The following EML6 variants were observed in gnomAD, a reference collection of about 807,000 sequenced individuals.
The protein encoded by EML6 is EMAP like 6, also known as echinoderm microtubule-associated protein-like 6.
In EML6, 154 loss-of-function variants were observed where a neutral mutation model predicts 240.1. The ratio of observed to expected loss-of-function variants is 0.64; its 90% CI spans 0.56 to 0.73. The LOEUF (loss-of-function observed/expected upper bound fraction) is 0.73, where lower values mean the gene tolerates loss of function less well. Among genes scored for constraint, EML6 ranks in the 30% least tolerant of loss-of-function variants. The probability of loss-of-function intolerance (pLI) is 0.00; values close to 1 mark genes in which losing one functional copy is unlikely to be tolerated. For missense variants in EML6, 2,964 were observed against 2,474.6 expected (o/e 1.20, Z -4.20); for synonymous variants, 1,148 against 899.0 (o/e 1.28, Z -4.95).
chr2:54,954,928 C>T (rs937780444), intron 32 of EML6, among the ~76,000 whole-genome samples: 1 of 152,238 alleles, frequency 6.6e-6, no homozygotes, highest in Non-Finnish European at 1.5e-5. Context: ...TCACTTCTCC[C>T]ATCCAGGGCT....
chr2:54,867,974 A>C (rs536827838), intron 14 of EML6: 2 of 152,282 alleles, frequency 1.3e-5, no homozygotes, highest in Middle Eastern at 3.4e-3. Flanking sequence ...TACAATATCC[A>C]CTAGCCACAC....
chr2:54,958,189 A>G (rs1676324523), intron 33 of EML6, among the ~76,000 whole-genome samples, 191 bp downstream of exon 33: 1 of 152,014 alleles, frequency 6.6e-6, no homozygotes, highest in African/African-American at 2.4e-5. Context: ...TTGGCAACAT[A>G]CATATATATA....
At chr2:54,761,585 A>C (rs1667984152) in intron 2 of EML6, among the ~76,000 whole-genome samples, 1 of 152,226 alleles carries the variant, frequency 6.6e-6, no homozygotes, top group African/African-American at 2.4e-5. Flanking sequence ...TTTGGTCAAA[A>C]GTGATTCTTT....
chr2:54,887,643 A>G (rs189746906), intron 17 of EML6, among the ~76,000 whole-genome samples: 7 of 152,318 alleles, frequency 4.6e-5, no homozygotes, highest in African/African-American at 1.7e-4. Context: ...CATCTTTTAT[A>G]TTTAAGTCTC....
At chr2:54,955,313 A>G (rs914502988) in intron 32 of EML6, among the ~76,000 whole-genome samples, 31 of 152,132 alleles carry the variant, frequency 2.0e-4, no homozygotes, top group Non-Finnish European at 8.8e-5. Context: ...GAGTGGGAAG[A>G]ACTAGAGAAG....
At chr2:54,926,451 GA>G (rs1291752200) in intron 26 of EML6, among the ~76,000 whole-genome samples, 2 of 152,210 alleles carry the variant, frequency 1.3e-5, no homozygotes, top group Non-Finnish European at 2.9e-5. Context: ...TCACTTGATG[GA>G]TAGAGTTGTG....
At chr2:54,726,942 G>A (rs1324323619) in intron 2 of EML6, among the ~76,000 whole-genome samples, 1 of 152,174 alleles carries the variant, frequency 6.6e-6, no homozygotes, top group Non-Finnish European at 1.5e-5. Context: ...GAACTACTTT[G>A]TGGATTTGAA....
In EML6 at chr2:54,967,089, G is replaced by A; in HGVS notation, c.5583G>A (p.Trp1861Ter). The change falls in exon 39 of 42, where the codon TGG (tryptophan) becomes TGA (stop). Residue 1861 changes from tryptophan to a stop codon, truncating the protein, a stop_gained. Transcript: ENST00000356458. LOFTEE classifies it high-confidence loss of function. ...CCGTGGTCATTGAGAAGATCACCTG[G>A]GCCTCCTGGACAAGGTGACTGACTG... ...TEAVVIEKIT[W>*]ASWTSVLGDE... The A allele has an allele frequency of 6.4e-7, 1 of 1,550,974 alleles. No homozygotes were observed. Among genetic ancestry groups the A allele is most frequent in the African/African-American group, 1.4e-5 (1 of 73,104 alleles).
At chr2:54,927,283 C>T (rs1192162130) in intron 26 of EML6, among the ~76,000 whole-genome samples, 2 of 152,188 alleles carry the variant, frequency 1.3e-5, no homozygotes, top group Non-Finnish European at 2.9e-5. Context: ...AGGAGTATTA[C>T]AAAGTCACGA....
rs544078475 is a variant in EML6, at chr2:54,817,704, C to T, written c.456+819C>T. ...GAACGTTTACAAATTTGTGTTGGGCCGCATTCACAGCCATCCTGGGCTGTG... is the reference window on the plus strand; with the variant it reads ...GAACGTTTACAAATTTGTGTTGGGCTGCATTCACAGCCATCCTGGGCTGTG... On this transcript the variant is annotated intron_variant, in intron 4 of 41. Transcript: ENST00000356458. 1.5e-4 allele frequency among the ~76,000 whole-genome samples: 23 copies of T among 152,068 alleles called. 1 individual carries two copies. Among genetic ancestry groups the T allele is most frequent in the Admixed American group, 1.2e-3 (18 of 15,272 alleles).
At chr2:54,901,522 A>G (rs541477996) in intron 22 of EML6, among the ~76,000 whole-genome samples, 16 of 152,324 alleles carry the variant, frequency 1.1e-4, no homozygotes, top group Admixed American at 4.6e-4. Flanking sequence ...CTATTGACCC[A>G]TCTTAGATAG....
At chr2:54,946,553 A>G (rs1400848106) in intron 28 of EML6, among the ~76,000 whole-genome samples, 1 of 152,196 alleles carries the variant, frequency 6.6e-6, no homozygotes, top group East Asian at 1.9e-4. Context: ...CTACGTGTGA[A>G]GTCTCTGGCA....
intron 36 of EML6, 117 bp downstream of exon 36, chr2:54,962,828 A>C: frequency 1.4e-6 from 1 of 720,768 alleles, no homozygotes; most frequent in Non-Finnish European, 2.1e-6. Flanking sequence ...GCCAGGTAGG[A>C]GATCGAGTTA....
intron 2 of EML6, among the ~76,000 whole-genome samples, chr2:54,760,231 A>T (rs1005173910): frequency 6.6e-6 from 1 of 151,262 alleles, no homozygotes; most frequent in Non-Finnish European, 1.5e-5. Context: ...ATTTTAGAAC[A>T]TTCCAAATGA....
Position 54,850,057 on chromosome 2 carries a change from A to G in EML6, c.1283A>G (p.Asn428Ser), listed in dbSNP as rs1274081436. The G allele has an allele frequency of 1.2e-5, 18 of 1,551,988 alleles. No individual in the cohort carries two copies. The highest frequency in any genetic ancestry group is 4.9e-5 in the East Asian group (2 of 40,942). The change falls in exon 10 of 42, where the codon AAT becomes AGT. Residue 428 changes from asparagine (N) to serine (S), a missense_variant. By Grantham distance (46) the Asn-to-Ser change is conservative. Coordinates refer to ENST00000356458, the MANE Select transcript of EML6 (RefSeq NM_001039753.4). ...PDGSYLAVGS[N>S]DGPVDVYAVA... Reference sequence around the variant, plus strand: ...GGTTCTTACCTTGCAGTGGGATCCAATGATGGCCCAGTAGATGTCTATGCT... The same window carrying G: ...GGTTCTTACCTTGCAGTGGGATCCAGTGATGGCCCAGTAGATGTCTATGCT...
chr2:54,847,691 A>C (rs550051939), intron 9 of EML6, 68 bp downstream of exon 9: 6 of 1,508,710 alleles, frequency 4.0e-6, no homozygotes, highest in Admixed American at 2.0e-5. Flanking sequence ...TTTCCTGGTC[A>C]TAATACATGC....
At chr2:54,952,331 G>C (rs1676023716) in intron 30 of EML6, among the ~76,000 whole-genome samples, 1 of 152,078 alleles carries the variant, frequency 6.6e-6, no homozygotes, top group Non-Finnish European at 1.5e-5. Context: ...GACCCACACA[G>C]AGTTGTGGGA....
At chr2:54,834,217 A>T (rs924116018) in intron 7 of EML6, among the ~76,000 whole-genome samples, 1 of 152,194 alleles carries the variant, frequency 6.6e-6, no homozygotes, top group African/African-American at 2.4e-5. Context: ...ATTAGCATCA[A>T]GCTAATTGTA....
intron 2 of EML6, among the ~76,000 whole-genome samples, chr2:54,792,650 G>A (rs1669517017): frequency 6.6e-6 from 1 of 152,170 alleles, no homozygotes; most frequent in Non-Finnish European, 1.5e-5. Context: ...ACTAAAGGGT[G>A]AATTTTCCTG....
Sources: allele counts gnomAD v4.1 joint callset (sites outside exome capture counted in the v4.1 genomes callset), GRCh38; gene constraint gnomAD v4.1.1; transcripts MANE v1.5; gene names NCBI Gene and HGNC (gene_info 2026-07-23, HGNC 2026-07-21).